The following SLC1A3 variants were observed in gnomAD, a reference collection of about 807,000 sequenced individuals.
The protein encoded by SLC1A3 is solute carrier family 1 member 3.
Under a neutral mutation model 48.1 loss-of-function variants are expected in SLC1A3, and 21 were observed. The observed-to-expected ratio is 0.44, with a 90% CI of 0.31 to 0.63. SLC1A3 has a LOEUF of 0.63. Among genes scored for constraint, SLC1A3 ranks in the 20% least tolerant of loss-of-function variants. The probability of loss-of-function intolerance (pLI) is 0.08; values close to 1 mark genes in which losing one functional copy is unlikely to be tolerated. For synonymous variants in SLC1A3, 239 were observed against 251.4 expected (o/e 0.95, Z 0.47); for missense variants, 546 against 689.0 (o/e 0.79, Z 2.32).
In SLC1A3 at chr5:36,668,857, A is replaced by G. The variant is rs1741871524; in HGVS notation, c.320-2172A>G. On this transcript the variant is annotated intron_variant, in intron 3 of 9. Transcript: ENST00000265113. The stretch of plus-strand genomic sequence containing the variant: ...GATAACTTTCCCTATCCCTCTCCCT[A>G]TGGTGTGAGAAGGGACATTAAACCT... 3.3e-5 allele frequency: 5 copies of G among 152,088 alleles called. No homozygotes were observed. The South Asian group carries it at 1.0e-3, about 32-fold the overall frequency. 9.4% of individuals were successfully genotyped at this position (152,088 alleles called of 1,614,324 possible). A position where few individuals can be genotyped will look rare whatever the true frequency, so the allele number is the denominator to read the frequency against.
chr5:36,613,702 TG>T (rs147303692), intron 2 of SLC1A3, among the ~76,000 whole-genome samples: 2 of 152,076 alleles, frequency 1.3e-5, no homozygotes, highest in African/African-American at 2.4e-5. Flanking sequence ...TTCAAGAAGC[TG>T]GGGGTAGGGG....
chr5:36,613,451 T>C (rs1268446954), intron 2 of SLC1A3: 1 of 152,400 alleles, frequency 6.6e-6, no homozygotes, highest in Non-Finnish European at 1.5e-5. Context: ...GGTTAATCAA[T>C]GTGGTTTGCT....
intron 3 of SLC1A3, chr5:36,666,077 A>G (rs139561541): frequency 6.6e-6 from 1 of 152,094 alleles, no homozygotes; most frequent in African/African-American, 2.4e-5. Flanking sequence ...CCCACCCCTC[A>G]CTGCCTTTCC....
chr5:36,615,451 A>C (rs1739390690), intron 2 of SLC1A3, among the ~76,000 whole-genome samples: 1 of 152,202 alleles, frequency 6.6e-6, no homozygotes, highest in Admixed American at 6.5e-5. Context: ...TTTCCTAGAT[A>C]ACCCATTCTG....
intron 2 of SLC1A3, among the ~76,000 whole-genome samples, chr5:36,628,549 C>T (rs1023002957): frequency 3.9e-5 from 6 of 152,132 alleles, no homozygotes; most frequent in Non-Finnish European, 8.8e-5. Flanking sequence ...ACTTTAAAAA[C>T]ATTTACAACA....
intron 8 of SLC1A3, among the ~76,000 whole-genome samples, chr5:36,681,258 C>G (rs1335753494): frequency 6.6e-6 from 1 of 152,086 alleles, no homozygotes; most frequent in Non-Finnish European, 1.5e-5. Context: ...TACATGTTTG[C>G]CTTTGATTGG....
intron 2 of SLC1A3, among the ~76,000 whole-genome samples, chr5:36,619,034 T>G (rs1739560048): frequency 6.6e-6 from 1 of 152,224 alleles, no homozygotes; most frequent in Admixed American, 6.5e-5. Context: ...CATAAGTCCG[T>G]GTCTCCACTC....
chr5:36,683,732 G>T, intron 8 of SLC1A3, 132 bp from the exon 9 acceptor site: 3 of 947,852 alleles, frequency 3.2e-6, no homozygotes, highest in Admixed American at 4.2e-5. Context: ...TCTCATTTAC[G>T]TTTTTTCTGA....
At chr5:36,617,204 T>A (rs1345376043) in intron 2 of SLC1A3, among the ~76,000 whole-genome samples, 1 of 152,186 alleles carries the variant, frequency 6.6e-6, no homozygotes, top group African/African-American at 2.4e-5. Flanking sequence ...CAGAAAGTGA[T>A]CTACTCACTA....
At chr5:36,636,489 T>TTCTTTC (rs1740378587) in intron 3 of SLC1A3, 2 of 128,462 alleles carry the variant, frequency 1.6e-5, no homozygotes, top group South Asian at 2.3e-4. Context: ...CTTTCTTTCT[T>TTCTTTC]TCTTTCTTTC....
chr5:36,650,862 T>C (rs1030281857), intron 3 of SLC1A3, among the ~76,000 whole-genome samples: 3 of 152,198 alleles, frequency 2.0e-5, no homozygotes, highest in Non-Finnish European at 4.4e-5. Context: ...TTATTTGTTT[T>C]CTTTGAAAAT....
intron 3 of SLC1A3, among the ~76,000 whole-genome samples, chr5:36,642,366 CT>C (rs2111812407): frequency 6.6e-6 from 1 of 152,292 alleles, no homozygotes; most frequent in Admixed American, 6.5e-5. Context: ...CTTTCAAGTA[CT>C]CAAAACATAC....
At chr5:36,622,793 C>T (rs930503658) in intron 2 of SLC1A3, among the ~76,000 whole-genome samples, 25 of 151,980 alleles carry the variant, frequency 1.6e-4, no homozygotes, top group Non-Finnish European at 5.9e-5. Context: ...GGGCAGATCA[C>T]GAGGTCAGGA....
intron 2 of SLC1A3, among the ~76,000 whole-genome samples, chr5:36,611,438 C>A (rs1173141222): frequency 6.6e-6 from 1 of 150,778 alleles, no homozygotes; most frequent in African/African-American, 2.4e-5. Flanking sequence ...ACATGTGAAT[C>A]CATATATTCA....
exon 1 of SLC1A3, among the ~76,000 whole-genome samples, chr5:36,596,607 G>T (rs1738741343): frequency 6.6e-6 from 1 of 152,210 alleles, no homozygotes; most frequent in African/African-American, 2.4e-5. Context: ...GGGATTTAAT[G>T]GAGTAAAGGT....
At chr5:36,662,022 T>C (rs908995998) in intron 3 of SLC1A3, among the ~76,000 whole-genome samples, 15 of 152,294 alleles carry the variant, frequency 9.8e-5, no homozygotes, top group Admixed American at 6.5e-4. Context: ...TTTGTGGAAA[T>C]TGCAAACTAC....
At chr5:36,673,764 CCTAG>C (rs1207487651) in intron 4 of SLC1A3, among the ~76,000 whole-genome samples, 1 of 152,088 alleles carries the variant, frequency 6.6e-6, no homozygotes, top group Non-Finnish European at 1.5e-5. Context: ...TTTGATTATT[CCTAG>C]TAGCAGGGTT....
chr5:36,632,163 G>T (rs1372932617), intron 3 of SLC1A3, among the ~76,000 whole-genome samples: 1 of 152,182 alleles, frequency 6.6e-6, no homozygotes, highest in African/African-American at 2.4e-5. Context: ...AGAATAATAT[G>T]GCAAAAGGCA....
chr5:36,644,349 T>C (rs573249166), intron 3 of SLC1A3, among the ~76,000 whole-genome samples: 36 of 152,338 alleles, frequency 2.4e-4, no homozygotes, highest in African/African-American at 8.2e-4. Flanking sequence ...AAAATTCAAA[T>C]GTTAAGTCTT....
Sources: gnomAD v4.1 joint callset for allele counts (sites outside exome capture counted in the v4.1 genomes callset) on GRCh38, gnomAD v4.1.1 for gene constraint, MANE v1.5 for transcripts, NCBI Gene and HGNC (gene_info 2026-07-23, HGNC 2026-07-21) for gene names.